Variants in ZNF407 observed in about 807,000 individuals in gnomAD.
ZNF407 encodes the protein zinc finger protein 407.
A neutral mutation model predicts 131.2 loss-of-function variants in ZNF407; 17 were observed. The ratio of observed to expected loss-of-function variants is 0.13; its 90% confidence interval spans 0.09 to 0.19. The LOEUF is 0.19. Among genes scored for constraint, ZNF407 ranks in the 10% least tolerant of loss-of-function variants. The pLI is 1.00. For synonymous variants in ZNF407, 1,156 were observed against 1,062.0 expected, an observed-to-expected ratio of 1.09 and a Z score of -1.72; for missense variants, 2,681 against 2,830.6, an observed-to-expected ratio of 0.95 and a Z score of 1.20.
At chr18:74,871,096 CT>C (rs1289412460) in intron 4 of ZNF407, among the ~76,000 whole-genome samples, 1 of 152,090 alleles carries the variant, frequency 6.6e-6, no homozygotes, top group African/African-American at 2.4e-5. Flanking sequence ...GCTTTCTGGT[CT>C]TTTGGGACAC....
chr18:74,614,685 A>G lies in ZNF407; in HGVS notation c.-53-16282A>G, dbSNP rs115859467. Among the ~76,000 whole-genome samples, 575 of 152,322 alleles carry G rather than the reference A, an allele frequency of 3.8e-3. 1 individual carries two copies. The highest frequency in any genetic ancestry group is 0.013 in the African/African-American group (544 of 41,566). ...TTCTTAATCAGAATCTTTGACGAGT[A>G]AGACCTAGAGATTTCATATTTTTGA... On this transcript the variant is annotated intron_variant, in intron 1 of 8. Coordinates refer to ENST00000299687, the MANE Select transcript of ZNF407 (RefSeq NM_017757.3).
intron 3 of ZNF407, among the ~76,000 whole-genome samples, chr18:74,669,733 G>A (rs1382079361): frequency 6.6e-6 from 1 of 152,166 alleles, no homozygotes. Context: ...GGACCTGGAC[G>A]AACTGCATCT....
chr18:74,607,058 A>T (rs1982838874), intron 1 of ZNF407, among the ~76,000 whole-genome samples: 1 of 152,230 alleles, frequency 6.6e-6, no homozygotes, highest in Non-Finnish European at 1.5e-5. Context: ...TGTGCCCTAC[A>T]GGAGGCAGGT....
chr18:74,873,749 A>G (rs1971118967), intron 4 of ZNF407, among the ~76,000 whole-genome samples: 1 of 152,006 alleles, frequency 6.6e-6, no homozygotes, highest in African/African-American at 2.4e-5. Context: ...AATTTATGCT[A>G]GAAGACTAAC....
intron 3 of ZNF407, among the ~76,000 whole-genome samples, chr18:74,735,325 G>C (rs1271675854): frequency 3.9e-5 from 6 of 152,178 alleles, no homozygotes; most frequent in Admixed American, 3.9e-4. Flanking sequence ...AGATTGGCAA[G>C]TGGTCCTCAT....
At chr18:74,777,303 C>T (rs1391673836) in intron 3 of ZNF407, among the ~76,000 whole-genome samples, 1 of 151,942 alleles carries the variant, frequency 6.6e-6, no homozygotes, top group Non-Finnish European at 1.5e-5. Flanking sequence ...TGTACTGTGT[C>T]AGGCATTTAC....
chr18:74,710,731 C>T (rs1409033433), intron 3 of ZNF407, among the ~76,000 whole-genome samples: 1 of 152,146 alleles, frequency 6.6e-6, no homozygotes, highest in South Asian at 2.1e-4. Flanking sequence ...CAGTAAAGGG[C>T]TGCAAGTTTT....
intron 8 of ZNF407, among the ~76,000 whole-genome samples, chr18:75,017,390 T>A (rs576812608): frequency 7.2e-5 from 11 of 152,096 alleles, no homozygotes; most frequent in Non-Finnish European, 1.2e-4. Flanking sequence ...TGTGGAAAAA[T>A]TTTTCCAATC....
intron 3 of ZNF407, among the ~76,000 whole-genome samples, chr18:74,674,414 A>G (rs1213393586): frequency 1.3e-5 from 2 of 152,214 alleles, no homozygotes; most frequent in African/African-American, 2.4e-5. Flanking sequence ...CTCTGAAAAT[A>G]TATTAACACA....
chr18:74,611,772 A>G (rs1047208257), intron 1 of ZNF407, among the ~76,000 whole-genome samples: 2 of 152,160 alleles, frequency 1.3e-5, no homozygotes, highest in African/African-American at 2.4e-5. Context: ...TCATTTGGGA[A>G]CTTGTTTGAA....
At chr18:74,642,791 A>C (rs886640579) in intron 3 of ZNF407, among the ~76,000 whole-genome samples, 2 of 152,124 alleles carry the variant, frequency 1.3e-5, no homozygotes, top group African/African-American at 4.8e-5. Flanking sequence ...GTCTTCAGAG[A>C]GAGAGCTATG....
chr18:74,963,026 C>T (rs939894262), intron 8 of ZNF407, among the ~76,000 whole-genome samples: 1 of 152,234 alleles, frequency 6.6e-6, no homozygotes, highest in African/African-American at 2.4e-5. Context: ...CCCACATCAG[C>T]CCCTTCTTCC....
At chr18:75,021,917 T>C (rs993431813) in intron 8 of ZNF407, among the ~76,000 whole-genome samples, 1 of 151,908 alleles carries the variant, frequency 6.6e-6, no homozygotes, top group Admixed American at 6.6e-5. Context: ...ACTGAGAAAG[T>C]ATTTTGTCCT....
At chr18:74,621,212 T>C (rs906646935) in intron 1 of ZNF407, among the ~76,000 whole-genome samples, 5 of 152,146 alleles carry the variant, frequency 3.3e-5, no homozygotes, top group African/African-American at 1.2e-4. Flanking sequence ...GTAATAACTA[T>C]ATCATTTGTA....
chr18:74,784,651 C>G (rs1398737411), intron 4 of ZNF407, among the ~76,000 whole-genome samples: 1 of 152,130 alleles, frequency 6.6e-6, no homozygotes. Context: ...TACATATAAC[C>G]ACATTCAGTT....
chr18:74,883,656 G>T (rs1052619482), intron 6 of ZNF407, among the ~76,000 whole-genome samples: 6 of 152,142 alleles, frequency 3.9e-5, no homozygotes, highest in African/African-American at 1.4e-4. Flanking sequence ...ATAACCACCA[G>T]CCCGCCCAAA....
intron 4 of ZNF407, among the ~76,000 whole-genome samples, chr18:74,816,020 G>A (rs1026280997): frequency 5.9e-5 from 9 of 152,064 alleles, no homozygotes; most frequent in Admixed American, 3.3e-4. Flanking sequence ...AGCACGATTC[G>A]TTTGGACTTG....
intron 8 of ZNF407, among the ~76,000 whole-genome samples, chr18:75,011,016 G>A (rs1183470168): frequency 6.6e-6 from 1 of 152,152 alleles, no homozygotes; most frequent in African/African-American, 2.4e-5. Flanking sequence ...GTCAGGCAGT[G>A]AGTAGGAAGG....
chr18:74,785,200 A>G (rs1313183373), intron 4 of ZNF407, among the ~76,000 whole-genome samples: 2 of 152,198 alleles, frequency 1.3e-5, no homozygotes, highest in African/African-American at 4.8e-5. Context: ...TATTTCTTCC[A>G]GTGCAGCCAT....
Sources: allele counts gnomAD v4.1 joint callset (sites outside exome capture counted in the v4.1 genomes callset), GRCh38; gene constraint gnomAD v4.1.1; transcripts MANE v1.5; gene names NCBI Gene and HGNC (gene_info 2026-07-23, HGNC 2026-07-21).